WWOX: variants seen among roughly 807,000 people sequenced by gnomAD.
WWOX encodes the protein WW domain containing oxidoreductase, also known as WW domain-containing oxidoreductase.
A neutral mutation model predicts 46.2 loss-of-function variants in WWOX; 69 were observed. The observed-to-expected ratio is 1.49, with a 90% CI of 1.23 to 1.82. WWOX has a LOEUF of 1.82. WWOX is among the 40% of genes most tolerant of loss of function. The pLI is 0.00. For synonymous variants in WWOX, 359 were observed against 202.6 expected, an observed-to-expected ratio of 1.77 and a Z score of -6.56; for missense variants, 919 against 542.6, an observed-to-expected ratio of 1.69 and a Z score of -6.89.
intron 8 of WWOX, among the ~76,000 whole-genome samples, chr16:78,815,313 A>T (rs2051300680): frequency 6.6e-6 from 1 of 151,944 alleles, no homozygotes; most frequent in South Asian, 2.1e-4. Flanking sequence ...TGAGAGAATG[A>T]AACTCTGTCT....
intron 8 of WWOX, among the ~76,000 whole-genome samples, chr16:79,197,015 A>C (rs412099): frequency 0.46 from 70,359 of 151,972 alleles, 18,856 homozygotes; most frequent in Non-Finnish European, 0.61. Context: ...CAACGTTGCA[A>C]CGTTTCTAGA....
At position 78,396,181 on chromosome 16, in the gene WWOX, C is replaced by G. The variant is rs183084646; in HGVS notation, c.605+9233C>G. Among the ~76,000 whole-genome samples, 6 of 152,266 alleles carry G rather than the reference C, an allele frequency of 3.9e-5. 1 individual carries two copies. Among genetic ancestry groups the G allele is most frequent in the East Asian group, 3.9e-4 (2 of 5,192 alleles). Reference sequence around the variant, plus strand: ...TCTCCTGTACCTTATTTCTTTCTTACAGTAGTTGTGATGCTTAGCAGTTTT... The same window carrying G: ...TCTCCTGTACCTTATTTCTTTCTTAGAGTAGTTGTGATGCTTAGCAGTTTT... On this transcript the variant is annotated intron_variant, in intron 6 of 8. Coordinates refer to ENST00000566780, the MANE Select transcript of WWOX (RefSeq NM_016373.4).
At chr16:78,136,184 A>C (rs1567591796) in intron 4 of WWOX, among the ~76,000 whole-genome samples, 1 of 152,216 alleles carries the variant, frequency 6.6e-6, no homozygotes, top group Non-Finnish European at 1.5e-5. Context: ...ACATGTAAGA[A>C]ATTACATCTG....
intron 8 of WWOX, among the ~76,000 whole-genome samples, chr16:79,192,743 G>A (rs375478521): frequency 6.6e-6 from 1 of 152,160 alleles, no homozygotes; most frequent in East Asian, 1.9e-4. Context: ...CAGCACAAAA[G>A]AGGCAGTAGA....
At chr16:78,552,610 C>G (rs16948069) in intron 8 of WWOX, 1 of 152,190 alleles carries the variant, frequency 6.6e-6, no homozygotes, top group African/African-American at 2.4e-5. Flanking sequence ...AGAGCTCATA[C>G]GGCATCCACG....
chr16:78,404,233 C>G (rs1265260370), intron 6 of WWOX, among the ~76,000 whole-genome samples: 1 of 152,000 alleles, frequency 6.6e-6, no homozygotes, highest in African/African-American at 2.4e-5. Flanking sequence ...TAACTGTGAT[C>G]TTAGTGTGAT....
intron 8 of WWOX, among the ~76,000 whole-genome samples, chr16:79,042,102 G>C (rs1567509042): frequency 6.6e-6 from 1 of 152,086 alleles, no homozygotes. Flanking sequence ...GCACCTGCTT[G>C]CTCTTGGTTA....
At chr16:78,732,699 G>A (rs774395868) in intron 8 of WWOX, among the ~76,000 whole-genome samples, 4 of 151,872 alleles carry the variant, frequency 2.6e-5, no homozygotes, top group Non-Finnish European at 5.9e-5. Flanking sequence ...TGAATTCACC[G>A]AAATTTGACT....
intron 8 of WWOX, among the ~76,000 whole-genome samples, chr16:79,167,342 T>C (rs1429958347): frequency 6.6e-6 from 1 of 152,200 alleles, no homozygotes; most frequent in Non-Finnish European, 1.5e-5. Context: ...GAGTGGTGAG[T>C]ATAAGTGTGA....
At chr16:78,689,554 C>T (rs1385498400) in intron 8 of WWOX, among the ~76,000 whole-genome samples, 1 of 152,196 alleles carries the variant, frequency 6.6e-6, no homozygotes, top group African/African-American at 2.4e-5. Context: ...CTAAGTCAGT[C>T]TAGAGAGAAT....
At chr16:79,135,085 T>G (rs2049957473) in intron 8 of WWOX, among the ~76,000 whole-genome samples, 2 of 152,238 alleles carry the variant, frequency 1.3e-5, no homozygotes, top group Non-Finnish European at 2.9e-5. Context: ...ACATTGTTTT[T>G]CACTGTGGCT....
intron 8 of WWOX, among the ~76,000 whole-genome samples, chr16:78,723,127 C>A (rs1436569152): frequency 6.6e-6 from 1 of 152,170 alleles, no homozygotes; most frequent in East Asian, 1.9e-4. Context: ...AGTGAAAGAT[C>A]ATCCCGTCAA....
At chr16:78,618,176 A>C (rs942341614) in intron 8 of WWOX, among the ~76,000 whole-genome samples, 1 of 152,186 alleles carries the variant, frequency 6.6e-6, no homozygotes, top group African/African-American at 2.4e-5. Context: ...TGGGGACTTG[A>C]GTCCCGATCT....
At chr16:79,053,861 C>G (rs921947115) in intron 8 of WWOX, among the ~76,000 whole-genome samples, 3 of 152,008 alleles carry the variant, frequency 2.0e-5, no homozygotes, top group African/African-American at 7.3e-5. Context: ...TTTGCCAGCC[C>G]GAAAACTCCA....
At chr16:79,204,157 C>T (rs1305093369) in intron 8 of WWOX, 1 of 152,140 alleles carries the variant, frequency 6.6e-6, no homozygotes, top group Admixed American at 6.5e-5. Context: ...TGCGATGTTT[C>T]ATCCCTATTC....
At chr16:78,966,793 A>C (rs2046370315) in intron 8 of WWOX, among the ~76,000 whole-genome samples, 1 of 152,280 alleles carries the variant, frequency 6.6e-6, no homozygotes, top group South Asian at 2.1e-4. Context: ...ACATGTGCCA[A>C]CTGTTCTACT....
chr16:78,650,180 C>T (rs2046934914), intron 8 of WWOX, among the ~76,000 whole-genome samples: 1 of 152,104 alleles, frequency 6.6e-6, no homozygotes, highest in Admixed American at 6.5e-5. Flanking sequence ...GTTTGGCTAA[C>T]TTGCATAAAA....
At chr16:78,168,389 G>C (rs149115879) in intron 5 of WWOX, 145 of 151,966 alleles carry the variant, frequency 9.5e-4, no homozygotes, top group African/African-American at 3.4e-3. Context: ...TGCTGTGTCA[G>C]GCACTTTATA....
intron 8 of WWOX, among the ~76,000 whole-genome samples, chr16:78,571,927 A>C (rs1027053401): frequency 6.6e-6 from 1 of 152,202 alleles, no homozygotes; most frequent in Non-Finnish European, 1.5e-5. Context: ...CAGATTGGCA[A>C]AACGTTAAGT....
Sources: gnomAD v4.1 joint callset for allele counts (sites outside exome capture counted in the v4.1 genomes callset) on GRCh38, gnomAD v4.1.1 for gene constraint, MANE v1.5 for transcripts, NCBI Gene and HGNC (gene_info 2026-07-23, HGNC 2026-07-21) for gene names.